LAMA2: variants seen among roughly 807,000 people sequenced by gnomAD.
LAMA2 encodes the protein laminin subunit alpha 2.
In LAMA2, 269 loss-of-function variants were observed where a neutral mutation model predicts 364.8. The ratio of observed to expected loss-of-function variants is 0.74; its 90% CI spans 0.67 to 0.82. LAMA2 has a LOEUF of 0.82. Ranked by LOEUF, LAMA2 falls within the 40% of genes least tolerant of loss-of-function variation. The pLI, the probability that LAMA2 is intolerant of heterozygous loss-of-function variation, is 0.00. For synonymous variants in LAMA2, 1,379 were observed against 1,370.6 expected (o/e 1.01, Z -0.14); for missense variants, 3,807 against 3,873.2 (o/e 0.98, Z 0.45).
chr6:129,354,551 CAAAT>C (rs140352216), intron 32 of LAMA2, among the ~76,000 whole-genome samples: 4,052 of 151,956 alleles, frequency 0.027, 77 homozygotes, highest in Non-Finnish European at 0.042. Context: ...GCTTTCAAGT[CAAAT>C]AAATTATTAA....
chr6:129,056,996 G>A (rs1271727784), intron 2 of LAMA2, among the ~76,000 whole-genome samples: 2 of 151,656 alleles, frequency 1.3e-5, no homozygotes, highest in Admixed American at 6.6e-5. Context: ...GCCTCCCAAA[G>A]TGCTGGGATT....
Position 129,464,382 on chromosome 6 carries a change from C to A in LAMA2, c.7085C>A (p.Ser2362Tyr), listed in dbSNP as rs1783428877. The A allele has an allele frequency of 6.2e-7, 1 of 1,611,978 alleles. No individual in the cohort carries two copies. Among genetic ancestry groups the A allele is most frequent in the Non-Finnish European group, 8.5e-7 (1 of 1,178,552 alleles). The change falls in exon 50 of 65, where the codon TCC becomes TAC. Residue 2362 changes from serine to tyrosine, a missense_variant. By Grantham distance (144) the Ser-to-Tyr change is moderately radical. Around this residue, in one of 3 missense-constraint regions of LAMA2, gnomAD observed 3,333 missense variants for 3,345.7 expected, o/e 1.00. Transcript: ENST00000421865. ...CCCATTCGCTGGTACCCCAACATCT[C>A]CACTGTCATGTTCAAGTTCAGAACA... ...SRPIRWYPNI[S>Y]TVMFKFRTFS...
chr6:129,140,252 T>C (rs1383106830), intron 4 of LAMA2, among the ~76,000 whole-genome samples: 1 of 152,140 alleles, frequency 6.6e-6, no homozygotes, highest in Non-Finnish European at 1.5e-5. Flanking sequence ...ATGATTTATA[T>C]AGTATGCTTA....
intron 4 of LAMA2, among the ~76,000 whole-genome samples, chr6:129,122,643 G>T (rs1466602004): frequency 6.6e-6 from 1 of 152,120 alleles, no homozygotes; most frequent in Non-Finnish European, 1.5e-5. Context: ...CAGGTTTACT[G>T]AACAGGGGTT....
intron 37 of LAMA2, among the ~76,000 whole-genome samples, chr6:129,395,827 C>T (rs1253403165): frequency 6.6e-6 from 1 of 152,060 alleles, no homozygotes; most frequent in African/African-American, 2.4e-5. Flanking sequence ...ATTTCAGAAA[C>T]TGGGAAAAAC....
At chr6:128,883,757 T>C (rs1307921399) in intron 1 of LAMA2, among the ~76,000 whole-genome samples, 2 of 151,256 alleles carry the variant, frequency 1.3e-5, no homozygotes, top group Non-Finnish European at 2.9e-5. Flanking sequence ...TGGGACTTTA[T>C]GGAGGGTAGC....
intron 3 of LAMA2, among the ~76,000 whole-genome samples, chr6:129,060,200 C>G (rs760174861): frequency 5.9e-5 from 9 of 152,134 alleles, no homozygotes; most frequent in Non-Finnish European, 1.0e-4. Context: ...TTTTACATAA[C>G]AAAAATATAA....
At chr6:129,442,303 A>G (rs1331526728) in intron 43 of LAMA2, 29 of 996,200 alleles carry the variant, frequency 2.9e-5, no homozygotes, top group Non-Finnish European at 3.7e-5. Context: ...ACAAACACAT[A>G]TAACATAAAC....
chr6:129,018,812 G>A (rs1006837368), intron 1 of LAMA2, among the ~76,000 whole-genome samples: 4 of 152,056 alleles, frequency 2.6e-5, no homozygotes, highest in East Asian at 1.9e-4. Flanking sequence ...CTTTTATGAC[G>A]TAAATATTGT....
chr6:129,009,139 C>A (rs2114691201), intron 1 of LAMA2, among the ~76,000 whole-genome samples: 1 of 152,184 alleles, frequency 6.6e-6, no homozygotes, highest in South Asian at 2.1e-4. Flanking sequence ...GGTCCTCTTT[C>A]TTGGATATCT....
intron 3 of LAMA2, among the ~76,000 whole-genome samples, chr6:129,071,262 CT>C (rs1219989573): frequency 6.6e-6 from 1 of 152,060 alleles, no homozygotes; most frequent in African/African-American, 2.4e-5. Flanking sequence ...TAGTGATGCC[CT>C]TTTTTTATTC....
intron 2 of LAMA2, among the ~76,000 whole-genome samples, chr6:129,053,818 T>C (rs1788268433): frequency 6.6e-6 from 1 of 152,186 alleles, no homozygotes; most frequent in South Asian, 2.1e-4. Flanking sequence ...AGAAATATTC[T>C]GTCAAGTATC....
At chr6:129,226,691 C>T (rs538432008) in intron 12 of LAMA2, among the ~76,000 whole-genome samples, 64 of 152,072 alleles carry the variant, frequency 4.2e-4, no homozygotes, top group Middle Eastern at 3.4e-3. Context: ...GAGTTTCTGC[C>T]GAGCGATCTG....
At chr6:129,159,295 A>T (rs1779317655) in intron 8 of LAMA2, among the ~76,000 whole-genome samples, 1 of 152,158 alleles carries the variant, frequency 6.6e-6, no homozygotes, top group South Asian at 2.1e-4. Flanking sequence ...GCTAGATAAA[A>T]CTGTACTTCC....
intron 3 of LAMA2, among the ~76,000 whole-genome samples, chr6:129,088,865 G>A (rs1350778720): frequency 6.6e-6 from 1 of 150,682 alleles, no homozygotes; most frequent in East Asian, 2.0e-4. Context: ...TTACATCCCA[G>A]ACGATGGGCG....
At chr6:129,190,887 A>G (rs753004302) in intron 11 of LAMA2, among the ~76,000 whole-genome samples, 1 of 152,174 alleles carries the variant, frequency 6.6e-6, no homozygotes, top group Non-Finnish European at 1.5e-5. Context: ...AGCAACTGAA[A>G]TTTTCTTTCT....
chr6:129,465,086 G>A (rs1562589099), intron 50 of LAMA2, 59 bp from the exon 51 acceptor site: 1 of 1,373,400 alleles, frequency 7.3e-7, no homozygotes, highest in African/African-American at 1.4e-5. Context: ...CAAGAAAAGT[G>A]AACACTCATA....
intron 52 of LAMA2, 30 bp from the exon 53 acceptor site, chr6:129,475,359 TG>T (rs1228868565): frequency 3.9e-6 from 5 of 1,281,776 alleles, no homozygotes; most frequent in South Asian, 2.6e-5. Flanking sequence ...TTTTTATTTT[TG>T]TTTTTTTTTT....
At chr6:129,169,515 C>T (rs1441127565) in intron 9 of LAMA2, among the ~76,000 whole-genome samples, 1 of 151,598 alleles carries the variant, frequency 6.6e-6, no homozygotes, top group Admixed American at 6.6e-5. Context: ...ATGAAGCCTA[C>T]TTGATCATGG....
Sources: allele counts gnomAD v4.1 joint callset (sites outside exome capture counted in the v4.1 genomes callset), GRCh38; gene constraint gnomAD v4.1.1; regional missense constraint gnomAD v4.1.1; transcripts MANE v1.5; gene names NCBI Gene and HGNC (gene_info 2026-07-23, HGNC 2026-07-21).